Variants in CACNA2D3 observed in about 807,000 individuals in gnomAD.
CACNA2D3 encodes the protein voltage-dependent calcium channel subunit alpha-2/delta-3.
Under a neutral mutation model 160.6 loss-of-function variants are expected in CACNA2D3, and 60 were observed. That is an observed-to-expected ratio of 0.37 (90% CI 0.30 to 0.46). The LOEUF (loss-of-function observed/expected upper bound fraction) is 0.46, where lower values mean the gene tolerates loss of function less well. CACNA2D3 is among the 20% of genes least tolerant of loss of function. The probability of loss-of-function intolerance (pLI) is 1.00; values close to 1 mark genes in which losing one functional copy is unlikely to be tolerated. For missense variants in CACNA2D3, 1,205 were observed against 1,365.0 expected (o/e 0.88, Z 1.85); for synonymous variants, 558 against 492.9 (o/e 1.13, Z -1.75).
chr3:54,151,216 T>A (rs1700145191), intron 2 of CACNA2D3, among the ~76,000 whole-genome samples: 1 of 151,498 alleles, frequency 6.6e-6, no homozygotes, highest in Non-Finnish European at 1.5e-5. Flanking sequence ...AGTAGATTAA[T>A]TAATGGATGT....
chr3:54,401,674 A>G (rs527524181), intron 4 of CACNA2D3, among the ~76,000 whole-genome samples: 1 of 152,184 alleles, frequency 6.6e-6, no homozygotes, highest in Non-Finnish European at 1.5e-5. Flanking sequence ...GGAATAAAGG[A>G]GAAACAAAAG....
At chr3:54,376,343 T>C (rs1031198072) in intron 3 of CACNA2D3, among the ~76,000 whole-genome samples, 7 of 152,374 alleles carry the variant, frequency 4.6e-5, no homozygotes, top group African/African-American at 1.7e-4. Flanking sequence ...TGTTGCATCA[T>C]TTATGAGCAT....
At chr3:54,694,803 A>T (rs576531083) in intron 11 of CACNA2D3, among the ~76,000 whole-genome samples, 90 of 152,196 alleles carry the variant, frequency 5.9e-4, no homozygotes, top group African/African-American at 2.1e-3. Flanking sequence ...TACCTTTGTT[A>T]TATTCTTTTT....
chr3:54,850,198 C>T (rs1166421381), intron 17 of CACNA2D3, among the ~76,000 whole-genome samples: 1 of 152,130 alleles, frequency 6.6e-6, no homozygotes, highest in East Asian at 1.9e-4. Flanking sequence ...GCAAGCATTG[C>T]CCTTGTGCCT....
intron 29 of CACNA2D3, among the ~76,000 whole-genome samples, chr3:54,984,080 A>T (rs540138148): frequency 7.2e-5 from 11 of 152,198 alleles, no homozygotes; most frequent in Admixed American, 3.3e-4. Flanking sequence ...CTTTAACAGA[A>T]GTCTGCCCCT....
intron 2 of CACNA2D3, among the ~76,000 whole-genome samples, chr3:54,303,808 C>G (rs1360223186): frequency 9.0e-6 from 1 of 110,584 alleles, no homozygotes; most frequent in African/African-American, 3.4e-5. Context: ...TCATCAGTGA[C>G]TTTTTTTCTG....
intron 2 of CACNA2D3, among the ~76,000 whole-genome samples, chr3:54,151,610 A>C (rs1336884939): frequency 6.6e-6 from 1 of 152,194 alleles, no homozygotes; most frequent in Non-Finnish European, 1.5e-5. Flanking sequence ...ACCAGGATGC[A>C]TGGGGGCAGT....
At chr3:54,356,981 T>C (rs1322956486) in intron 3 of CACNA2D3, among the ~76,000 whole-genome samples, 1 of 152,156 alleles carries the variant, frequency 6.6e-6, no homozygotes, top group Non-Finnish European at 1.5e-5. Flanking sequence ...CTTTGTTTTG[T>C]CATTTAAGAG....
intron 2 of CACNA2D3, among the ~76,000 whole-genome samples, chr3:54,215,615 G>A (rs944645211): frequency 3.3e-5 from 5 of 152,110 alleles, no homozygotes; most frequent in Non-Finnish European, 7.3e-5. Flanking sequence ...CCAAGTGAAC[G>A]GCGATGTGAG....
intron 2 of CACNA2D3, among the ~76,000 whole-genome samples, chr3:54,164,464 TG>T (rs1257836286): frequency 1.3e-5 from 2 of 152,234 alleles, no homozygotes; most frequent in African/African-American, 4.8e-5. Flanking sequence ...GGGACTCCCC[TG>T]GAATTACCTT....
intron 4 of CACNA2D3, among the ~76,000 whole-genome samples, chr3:54,406,536 C>CTCCAAA (rs1156475834): frequency 6.6e-6 from 1 of 151,844 alleles, no homozygotes; most frequent in Non-Finnish European, 1.5e-5. Context: ...GGACATTATG[C>CTCCAAA]TAAGTGAAAT....
At chr3:54,169,390 C>CT (rs1342999474) in intron 2 of CACNA2D3, among the ~76,000 whole-genome samples, 1 of 151,996 alleles carries the variant, frequency 6.6e-6, no homozygotes, top group African/African-American at 2.4e-5. Flanking sequence ...GAAAATAAAG[C>CT]TTCATGGTCC....
At chr3:54,169,671 TTGTATGTGTG>T (rs748875877) in intron 2 of CACNA2D3, among the ~76,000 whole-genome samples, 52 of 148,616 alleles carry the variant, frequency 3.5e-4, no homozygotes, top group Admixed American at 1.8e-3. Flanking sequence ...GCGTGCGTGC[TTGTATGTGTG>T]TGTATGTGTG....
intron 27 of CACNA2D3, among the ~76,000 whole-genome samples, chr3:54,962,523 C>T (rs1291616543): frequency 5.3e-5 from 8 of 152,212 alleles, no homozygotes; most frequent in Admixed American, 6.5e-5. Context: ...TTTTAATACC[C>T]GTGATTTTAT....
At chr3:54,796,279 T>G (rs1702864517) in intron 13 of CACNA2D3, among the ~76,000 whole-genome samples, 1 of 152,192 alleles carries the variant, frequency 6.6e-6, no homozygotes, top group Admixed American at 6.5e-5. Context: ...TGTCCTCATT[T>G]GCAGAGTGAA....
intron 4 of CACNA2D3, among the ~76,000 whole-genome samples, chr3:54,420,453 T>C (rs1461485798): frequency 6.6e-6 from 1 of 152,196 alleles, no homozygotes; most frequent in Non-Finnish European, 1.5e-5. Flanking sequence ...TTTAGTGTCG[T>C]CTATATTGGA....
intron 2 of CACNA2D3, among the ~76,000 whole-genome samples, chr3:54,219,664 C>T (rs1701528847): frequency 6.6e-6 from 1 of 152,090 alleles, no homozygotes; most frequent in Non-Finnish European, 1.5e-5. Context: ...CAGGTGACCT[C>T]CCTGCATAAG....
intron 5 of CACNA2D3, among the ~76,000 whole-genome samples, chr3:54,514,974 C>A (rs1701524200): frequency 6.6e-6 from 1 of 152,196 alleles, no homozygotes; most frequent in African/African-American, 2.4e-5. Flanking sequence ...GCCGTTCAAT[C>A]TGATGCATCA....
At position 54,984,644 on chromosome 3, in the gene CACNA2D3, AT is replaced by A; in HGVS notation, c.2597del (p.Leu866TrpfsTer20). 6.4e-7 allele frequency: 1 copy of A among 1,563,084 alleles called. No individual in the cohort carries two copies. Among genetic ancestry groups the A allele is most frequent in the Non-Finnish European group, 8.7e-7 (1 of 1,150,668 alleles). On this transcript the variant is annotated frameshift_variant, in exon 30 of 38. Transcript: ENST00000474759. LOFTEE classifies it high-confidence loss of function. ...TTACCTCATAGACAATAATGGATTT[AT>A]TTTGGTGTCTGAAGACTACACACAG... is the stretch of plus-strand genomic sequence containing the variant. ...NCYLIDNNGFILVSEDYTQTG... is the reference protein window; with the variant it reads ...NCYLIDNNGFXLVSEDYTQTG...
Sources: gnomAD v4.1 joint callset for allele counts (sites outside exome capture counted in the v4.1 genomes callset) on GRCh38, gnomAD v4.1.1 for gene constraint, MANE v1.5 for transcripts, NCBI Gene and HGNC (gene_info 2026-07-23, HGNC 2026-07-21) for gene names.